The following RBFOX1 variants were observed in gnomAD, a reference collection of about 807,000 sequenced individuals.
RBFOX1 encodes RNA binding fox-1 homolog 1.
In RBFOX1, 8 loss-of-function variants were observed where a neutral mutation model predicts 57.7. The ratio of observed to expected loss-of-function variants is 0.14; its 90% CI spans 0.08 to 0.25. The LOEUF (loss-of-function observed/expected upper bound fraction) is 0.25. RBFOX1 is among the 10% of genes least tolerant of loss of function. RBFOX1 has a pLI of 1.00. For missense variants in RBFOX1, 611 were observed against 548.5 expected (o/e 1.11, Z -1.14); for synonymous variants, 326 against 222.4 (o/e 1.47, Z -4.15).
intron 3 of RBFOX1, among the ~76,000 whole-genome samples, chr16:7,045,667 T>C (rs2047667300): frequency 6.7e-6 from 1 of 148,818 alleles, no homozygotes; most frequent in East Asian, 2.0e-4. Context: ...TTTTTTTCAA[T>C]AGAGCGAGAC....
intron 1 of RBFOX1, among the ~76,000 whole-genome samples, chr16:5,314,378 A>G (rs1033034737): frequency 3.9e-5 from 6 of 152,234 alleles, no homozygotes; most frequent in Non-Finnish European, 1.5e-5. Flanking sequence ...CTGCCTCTGG[A>G]GCTGCTGTGA....
intron 2 of RBFOX1, among the ~76,000 whole-genome samples, chr16:6,381,639 G>T (rs930562330): frequency 1.3e-5 from 2 of 152,288 alleles, no homozygotes; most frequent in South Asian, 2.1e-4. Flanking sequence ...TTGAACAGGA[G>T]CTCTTCCTCT....
intron 3 of RBFOX1, among the ~76,000 whole-genome samples, chr16:6,885,278 C>T (rs993164919): frequency 3.9e-5 from 6 of 152,170 alleles, no homozygotes; most frequent in Admixed American, 6.5e-5. Flanking sequence ...AAACTTGCTA[C>T]AGACGCGTGT....
intron 3 of RBFOX1, among the ~76,000 whole-genome samples, chr16:6,795,770 T>C (rs1047763534): frequency 1.6e-5 from 2 of 127,614 alleles, no homozygotes; most frequent in Non-Finnish European, 3.2e-5. Flanking sequence ...CATCTAAAAA[T>C]AAAAAATGAA....
intron 4 of RBFOX1, among the ~76,000 whole-genome samples, chr16:7,263,381 T>G (rs1292423034): frequency 1.3e-5 from 2 of 152,142 alleles, no homozygotes; most frequent in Non-Finnish European, 2.9e-5. Context: ...ATCAGGAGAC[T>G]AGAAGACATT....
chr16:5,714,565 C>G (rs372328884), intron 3 of RBFOX1, among the ~76,000 whole-genome samples: 2 of 152,274 alleles, frequency 1.3e-5, no homozygotes, highest in South Asian at 4.1e-4. Context: ...CCCTTACAAT[C>G]GAATGTCACT....
chr16:7,204,375 C>T (rs1428093651), intron 4 of RBFOX1, among the ~76,000 whole-genome samples: 1 of 151,726 alleles, frequency 6.6e-6, no homozygotes, highest in East Asian at 2.0e-4. Flanking sequence ...GGTGTAATGG[C>T]ATATACCTGA....
intron 5 of RBFOX1, among the ~76,000 whole-genome samples, chr16:7,539,037 C>G (rs2082226949): frequency 6.6e-6 from 1 of 152,118 alleles, no homozygotes; most frequent in Admixed American, 6.5e-5. Flanking sequence ...TCTGATAAAG[C>G]TCAGCCTTGG....
intron 1 of RBFOX1, among the ~76,000 whole-genome samples, chr16:5,354,304 C>G (rs1278993121): frequency 6.6e-6 from 1 of 151,960 alleles, no homozygotes; most frequent in African/African-American, 2.4e-5. Context: ...TTTTTTTTCT[C>G]TATTCACTGT....
chr16:6,759,543 T>C (rs927451367), intron 3 of RBFOX1, among the ~76,000 whole-genome samples: 2 of 151,566 alleles, frequency 1.3e-5, no homozygotes, highest in African/African-American at 4.8e-5. Flanking sequence ...TTTGTCCATC[T>C]GACAGTTGCT....
intron 4 of RBFOX1, among the ~76,000 whole-genome samples, chr16:7,267,592 T>C (rs1168689578): frequency 2.7e-5 from 4 of 150,802 alleles, no homozygotes; most frequent in Admixed American, 1.3e-4. Context: ...CGATGGCTCA[T>C]GTCTGTAATC....
At chr16:6,849,392 G>T (rs2093944785) in intron 3 of RBFOX1, among the ~76,000 whole-genome samples, 2 of 152,196 alleles carry the variant, frequency 1.3e-5, no homozygotes, top group Admixed American at 6.5e-5. Flanking sequence ...GGCCTGGCTG[G>T]GTGTGGTGGC....
At chr16:6,686,765 C>T (rs1045508150) in intron 3 of RBFOX1, among the ~76,000 whole-genome samples, 1 of 152,150 alleles carries the variant, frequency 6.6e-6, no homozygotes, top group African/African-American at 2.4e-5. Context: ...CCCAACCTCC[C>T]CCATTACACA....
At chr16:6,970,000 C>A (rs1213732870) in intron 3 of RBFOX1, among the ~76,000 whole-genome samples, 2 of 151,864 alleles carry the variant, frequency 1.3e-5, no homozygotes, top group Admixed American at 6.6e-5. Flanking sequence ...CAAGCCTGGG[C>A]AGCATAGCAA....
chr16:5,666,087 A>T (rs1298069092), intron 3 of RBFOX1, among the ~76,000 whole-genome samples: 1 of 152,228 alleles, frequency 6.6e-6, no homozygotes, highest in Non-Finnish European at 1.5e-5. Context: ...GGCAGAGAGC[A>T]AGGATGCCCC....
At chr16:6,672,996 G>C (rs555668423) in intron 3 of RBFOX1, among the ~76,000 whole-genome samples, 1 of 152,304 alleles carries the variant, frequency 6.6e-6, no homozygotes, top group East Asian at 1.9e-4. Flanking sequence ...TATGAAGCCA[G>C]TGCAATGCTA....
At chr16:6,723,487 G>GA (rs1031085910) in intron 3 of RBFOX1, among the ~76,000 whole-genome samples, 1 of 152,102 alleles carries the variant, frequency 6.6e-6, no homozygotes, top group Non-Finnish European at 1.5e-5. Flanking sequence ...GATCTGGGTA[G>GA]AAAAAATAAT....
chr16:7,637,206 C>G (rs1045769747), intron 11 of RBFOX1, among the ~76,000 whole-genome samples: 14 of 151,456 alleles, frequency 9.2e-5, no homozygotes, highest in African/African-American at 3.4e-4. Context: ...AGGATAAATC[C>G]TAAAGTTAAT....
intron 3 of RBFOX1, among the ~76,000 whole-genome samples, chr16:7,050,168 A>G (rs1471500154): frequency 6.9e-6 from 1 of 143,964 alleles, no homozygotes; most frequent in Non-Finnish European, 1.5e-5. Flanking sequence ...TTTTTTTTGG[A>G]TATTTATAGA....
Sources: allele counts gnomAD v4.1 joint callset (sites outside exome capture counted in the v4.1 genomes callset), GRCh38; gene constraint gnomAD v4.1.1; transcripts MANE v1.5; gene names NCBI Gene and HGNC (gene_info 2026-07-23, HGNC 2026-07-21).